The following FBXL2 variants were observed in gnomAD, a reference collection of about 807,000 sequenced individuals.
FBXL2 encodes F-box/LRR-repeat protein 2.
In FBXL2, 38 loss-of-function variants were observed where a neutral mutation model predicts 69.2. The ratio of observed to expected loss-of-function variants is 0.55; its 90% CI spans 0.42 to 0.72. The LOEUF is 0.72. FBXL2 is among the 30% of genes least tolerant of loss of function. The pLI is 0.00. For synonymous variants in FBXL2, 192 were observed against 201.3 expected (o/e 0.95, Z 0.39); for missense variants, 354 against 520.3 (o/e 0.68, Z 3.11).
At chr3:33,373,965 C>G in intron 9 of FBXL2, 44 bp downstream of exon 9, 2 of 1,597,886 alleles carry the variant, frequency 1.3e-6, no homozygotes, top group Non-Finnish European at 1.7e-6. Flanking sequence ...TCTATCTTGT[C>G]TCCCAAAGCA....
At chr3:33,317,625 T>A (rs1375471084) in intron 2 of FBXL2, 2 of 399,224 alleles carry the variant, frequency 5.0e-6, no homozygotes. Flanking sequence ...TATGTTTCTG[T>A]TCTATTCCAT....
At chr3:33,385,295 G>C (rs897200395) in intron 14 of FBXL2, among the ~76,000 whole-genome samples, 2 of 152,124 alleles carry the variant, frequency 1.3e-5, no homozygotes, top group Admixed American at 6.5e-5. Flanking sequence ...ACGTATCAAC[G>C]TAAGTGTTTT....
chr3:33,308,689 ATC>A (rs1420449185), intron 2 of FBXL2, among the ~76,000 whole-genome samples: 1 of 152,144 alleles, frequency 6.6e-6, no homozygotes, highest in East Asian at 1.9e-4. Context: ...ATTTTTTGAG[ATC>A]TTTCTTCTTT....
At chr3:33,304,150 G>C (rs1213143270) in intron 2 of FBXL2, among the ~76,000 whole-genome samples, 2 of 151,992 alleles carry the variant, frequency 1.3e-5, no homozygotes, top group Non-Finnish European at 2.9e-5. Flanking sequence ...AAAAACTTCA[G>C]TTATGCAGAA....
intron 2 of FBXL2, among the ~76,000 whole-genome samples, chr3:33,323,982 T>C (rs2038466685): frequency 6.6e-6 from 1 of 152,214 alleles, no homozygotes; most frequent in Non-Finnish European, 1.5e-5. Flanking sequence ...TTTCCTGACT[T>C]TTTAATGATC....
upstream of FBXL2, chr3:33,277,359 C>A (rs537978998): frequency 2.5e-5 from 19 of 765,384 alleles, no homozygotes; most frequent in South Asian, 9.1e-4. Context: ...CAAAGGGCAC[C>A]GCCCCTGCGG....
intron 2 of FBXL2, among the ~76,000 whole-genome samples, chr3:33,345,428 G>T (rs940370632): frequency 1.3e-5 from 2 of 152,088 alleles, no homozygotes; most frequent in African/African-American, 4.8e-5. Flanking sequence ...CATTTTATGA[G>T]ACTAGGATAA....
chr3:33,303,033 G>C (rs945616374), intron 2 of FBXL2: 7 of 456,484 alleles, frequency 1.5e-5, no homozygotes, highest in African/African-American at 4.0e-5. Flanking sequence ...CCTGCTATGG[G>C]TCTCATTGAG....
chr3:33,289,820 G>C, intron 1 of FBXL2: 2 of 983,768 alleles, frequency 2.0e-6, no homozygotes, highest in African/African-American at 3.5e-5. Context: ...CTGAAGGTTG[G>C]GGGCAGGGCA....
At chr3:33,408,670 G>C in the FBXL2 span, 1 of 1,598,534 alleles carries the variant, frequency 6.3e-7, no homozygotes, top group South Asian at 1.1e-5. Flanking sequence ...ACAATGAAAA[G>C]AGAAGCAGAA....
intron 2 of FBXL2, among the ~76,000 whole-genome samples, chr3:33,327,347 G>T (rs1371342445): frequency 6.6e-6 from 1 of 151,918 alleles, no homozygotes; most frequent in Non-Finnish European, 1.5e-5. Context: ...ATAGCCTATT[G>T]ACTTCAAATA....
intron 1 of FBXL2, among the ~76,000 whole-genome samples, chr3:33,296,410 A>T (rs912461412): frequency 2.6e-5 from 4 of 151,978 alleles, no homozygotes; most frequent in Admixed American, 2.0e-4. Flanking sequence ...TTTTTTTTGG[A>T]TGTTTATGCT....
chr3:33,371,740 G>A (rs1327208106), intron 5 of FBXL2, among the ~76,000 whole-genome samples: 2 of 152,116 alleles, frequency 1.3e-5, no homozygotes, highest in African/African-American at 4.8e-5. Context: ...GTTGGGTGCA[G>A]ATATTTTTGT....
At position 33,373,295 on chromosome 3, in the gene FBXL2, T is replaced by G; in HGVS notation, c.395T>G (p.Leu132Arg). 1 of 1,614,192 alleles carries G rather than the reference T, an allele frequency of 6.2e-7. No homozygotes were observed. The highest frequency in any genetic ancestry group is 8.5e-7 in the Non-Finnish European group (1 of 1,180,016). Residue 132 changes from leucine to arginine, a missense_variant, in exon 7 of 15, where the codon CTG (leucine) becomes CGG (arginine). Transcript: ENST00000484457. ...AGCCTTAGCAGATTCTGTTCCAAGC[T>G]GAAACATCTGGATCTGACCTCCTGT... ...CYSLSRFCSK[L>R]KHLDLTSCVS...
chr3:33,397,008 A>G (rs1446515668), intron 12 of FBXL2: 6 of 1,559,892 alleles, frequency 3.8e-6, no homozygotes, highest in South Asian at 2.3e-5. Flanking sequence ...AGAAAGGTAC[A>G]TTCTTATTTC....
chr3:33,374,019 G>A, intron 9 of FBXL2, 98 bp downstream of exon 9: 2 of 1,108,578 alleles, frequency 1.8e-6, no homozygotes, highest in Non-Finnish European at 1.4e-6. Context: ...ACCTGAGATG[G>A]GCTGTGTTGC....
chr3:33,365,888 C>T (rs564183726), intron 5 of FBXL2, among the ~76,000 whole-genome samples: 38 of 152,304 alleles, frequency 2.5e-4, no homozygotes, highest in Middle Eastern at 3.4e-3. Context: ...CCTTGGAATA[C>T]ACTTTGTGTT....
At chr3:33,416,696 T>C in the FBXL2 span, 1 of 1,302,352 alleles carries the variant, frequency 7.7e-7, no homozygotes, top group Non-Finnish European at 1.1e-6. Flanking sequence ...TAATTTTTTT[T>C]TAAACAAAAA....
At chr3:33,378,838 T>C in intron 13 of FBXL2, 97 bp downstream of exon 13, 1 of 1,602,438 alleles carries the variant, frequency 6.2e-7, no homozygotes, top group Non-Finnish European at 8.5e-7. Context: ...CTGTAAGGTA[T>C]CATCTCTCTT....
Sources: allele counts gnomAD v4.1 joint callset (sites outside exome capture counted in the v4.1 genomes callset), GRCh38; gene constraint gnomAD v4.1.1; transcripts MANE v1.5; gene names NCBI Gene and HGNC (gene_info 2026-07-23, HGNC 2026-07-21).